PTCD1: variants seen among roughly 807,000 people sequenced by gnomAD.
The protein encoded by PTCD1 is pentatricopeptide repeat domain 1, also known as pentatricopeptide repeat-containing protein 1, mitochondrial.
In PTCD1, 50 loss-of-function variants were observed where a neutral mutation model predicts 53.4. The observed-to-expected ratio is 0.94, with a 90% CI of 0.75 to 1.19. The LOEUF is 1.19. Among genes scored for constraint, PTCD1 ranks in the 50% most tolerant of loss-of-function variants. PTCD1 has a pLI of 0.00. For missense variants in PTCD1, 918 were observed against 904.8 expected, an observed-to-expected ratio of 1.01 and a Z score of -0.19; for synonymous variants, 413 against 394.8, an observed-to-expected ratio of 1.05 and a Z score of -0.55.
chr7:99,423,832 G>A lies in PTCD1; in HGVS notation c.1863C>T (p.Asn621=), dbSNP rs148121169. The change falls in exon 7 of 8, where the codon AAC becomes AAT. Residue 621 remains asparagine (N), a synonymous_variant. Transcript: ENST00000292478. The part of the protein sequence containing the change: ...KDMKQNRVPV[N]EVVIRQLEFA... ...ACTCCAGCTGGCGGATGACCACTTC[G>A]TTCACCGGGACCCTGTTCTGCTTCA... 2.5e-5 allele frequency: 40 copies of A among 1,614,202 alleles called. No individual in the cohort carries two copies. The African/African-American group carries it at 2.7e-4, about 11-fold the overall frequency.
rs1348317456 is a variant in PTCD1 at position 99,418,085 on chromosome 7, A to T, written c.*1882T>A. 4 of 743,866 alleles carry T rather than the reference A, an allele frequency of 5.4e-6. No individual in the cohort carries two copies. The East Asian group carries it at 4.0e-4, about 75-fold the overall frequency. 46.1% of individuals were successfully genotyped at this position (743,866 alleles called of 1,614,324 possible). A position where few individuals can be genotyped will look rare whatever the true frequency, so the allele number is the denominator to read the frequency against. ...CGGGTTCAAGCGGTTCTCCTGCCTCATCCTCCTGAGTAGCTGGGACTACAG... is the reference window on the plus strand; with the variant it reads ...CGGGTTCAAGCGGTTCTCCTGCCTCTTCCTCCTGAGTAGCTGGGACTACAG... On this transcript the variant is annotated 3_prime_UTR_variant, in exon 8 of 8. Coordinates refer to ENST00000292478, the MANE Select transcript of PTCD1 (RefSeq NM_015545.4).
chr7:99,429,933 C>T (rs1239191923), intron 3 of PTCD1, 127 bp from the exon 4 acceptor site: 1 of 1,199,734 alleles, frequency 8.3e-7, no homozygotes, highest in African/African-American at 1.5e-5. Context: ...GGCTCTAAGG[C>T]AGAGCCATGG....
rs554313112 is a variant in PTCD1, at chr7:99,429,777, G to A, written c.624C>T (p.Asp208=). The A allele has an allele frequency of 2.4e-5, 39 of 1,614,078 alleles. 1 individual carries two copies. The highest frequency in any genetic ancestry group is 1.8e-4 in the South Asian group (16 of 91,088). The change falls in exon 4 of 8, where the codon GAC becomes GAT. Residue 208 remains aspartate, a synonymous_variant. Transcript: ENST00000292478. ...CGTTGAACAGGGCCGTGTAGGTGGC[G>A]TCCGAGGGCTCCAGGTCCCGCTTTT... is the stretch of plus-strand genomic sequence containing the variant. ...QMKKRDLEPS[D]ATYTALFNVC...
intron 5 of PTCD1, 68 bp from the exon 6 acceptor site, chr7:99,425,684 G>A (rs1399564731): frequency 1.3e-6 from 2 of 1,542,788 alleles, no homozygotes; most frequent in African/African-American, 1.4e-5. Flanking sequence ...GCTCACGCCT[G>A]GAATCCCAGC....
chr7:99,420,292 T>A lies in PTCD1; in HGVS notation c.1921-143A>T, dbSNP rs1351158192. On this transcript the variant is annotated intron_variant, in intron 7 of 7. Coordinates refer to ENST00000292478, the MANE Select transcript of PTCD1 (RefSeq NM_015545.4). ...TGCAGAGGACAGGGCAGAAAAGCTG[T>A]GAACACGCACTATGGGACTAGCTTA... 3.3e-6 allele frequency: 4 copies of A among 1,201,726 alleles called. No individual in the cohort carries two copies. The Admixed American group carries it at 7.7e-5, about 23-fold the overall frequency. 74.4% of individuals were successfully genotyped at this position (1,201,726 alleles called of 1,614,324 possible).
intron 7 of PTCD1, among the ~76,000 whole-genome samples, chr7:99,420,751 GT>G (rs1424714173): frequency 6.6e-6 from 1 of 152,168 alleles, no homozygotes; most frequent in Non-Finnish European, 1.5e-5. Context: ...GAGGTCAGGA[GT>G]TCGAGACCAG....
At chr7:99,438,660 G>C (rs45485593) in intron 1 of PTCD1, 32 bp downstream of exon 1, 7 of 1,240,536 alleles carry the variant, frequency 5.6e-6, no homozygotes, top group East Asian at 8.1e-5. Context: ...CCCGGGTCCC[G>C]GGGCTCCTGC....
At chr7:99,426,837 G>A (rs1465211689) in intron 5 of PTCD1, among the ~76,000 whole-genome samples, 1 of 149,864 alleles carries the variant, frequency 6.7e-6, no homozygotes, top group East Asian at 2.0e-4. Context: ...CGCCCCGTCT[G>A]GGATGTGAGG....
At position 99,425,104 on chromosome 7, in the gene PTCD1, G is replaced by C. The variant is rs751679542; in HGVS notation, c.1428C>G (p.Ser476Arg). 1 of 1,614,014 alleles carries C rather than the reference G, an allele frequency of 6.2e-7. No individual in the cohort carries two copies. Among genetic ancestry groups the C allele is most frequent in the Non-Finnish European group, 8.5e-7 (1 of 1,180,014 alleles). Residue 476 changes from serine to arginine, a missense_variant, in exon 6 of 8, where the codon AGC becomes AGG. By Grantham distance (110) the Ser-to-Arg change is moderately radical. Coordinates refer to ENST00000292478, the MANE Select transcript of PTCD1 (RefSeq NM_015545.4). The part of the protein sequence containing the change: ...ALIGGLEGFL[S>R]KMAEHRQQPD... ...GCTGCTGCCTGTGCTCTGCCATCTTGCTCAGGAAGCCCTCCAGGCCCCCTA... is the reference window on the plus strand; with the variant it reads ...GCTGCTGCCTGTGCTCTGCCATCTTCCTCAGGAAGCCCTCCAGGCCCCCTA...
intron 6 of PTCD1, among the ~76,000 whole-genome samples, chr7:99,424,188 C>T (rs561598281): frequency 3.5e-4 from 54 of 152,308 alleles, no homozygotes; most frequent in South Asian, 2.7e-3. Flanking sequence ...TCTCAGACAC[C>T]GACTGACTCA....
chr7:99,438,684 G>GAA lies in PTCD1; in HGVS notation c.-27+6_-27+7dup, dbSNP rs926422721. The GAA allele has an allele frequency of 5.5e-6, 7 of 1,269,646 alleles. No homozygotes were observed. The highest frequency in any genetic ancestry group is 7.1e-6 in the Non-Finnish European group (7 of 983,298). The allele number at this position is 1,269,646 out of a possible 1,614,324, so 78.6% of individuals were successfully genotyped here. ...CGGGGCTCCTGCGAGGATCACACAG[G>GAA]AACTCACTTGAAGTGTCCGGCGCAG... On this transcript the variant is annotated splice_region_variant and intron_variant, in intron 1 of 7. Coordinates refer to ENST00000292478, the MANE Select transcript of PTCD1 (RefSeq NM_015545.4).
chr7:99,429,617 CT>C lies in PTCD1; in HGVS notation c.783del (p.Asp262ThrfsTer48). On this transcript the variant is annotated frameshift_variant, in exon 4 of 8. Coordinates refer to ENST00000292478, the MANE Select transcript of PTCD1 (RefSeq NM_015545.4). LOFTEE classifies it high-confidence loss of function. The part of the protein sequence containing the change: ...HALLKMAAKC[A>X]DLRMCLDVFK... The stretch of plus-strand genomic sequence containing the variant: ...AACACATCGAGGCACATCCTAAGGT[CT>C]GCGCACTTGGCAGCCATCTTCAGCA... The C allele has an allele frequency of 6.2e-7, 1 of 1,614,238 alleles. No homozygotes were observed.
At chr7:99,424,754 T>TG (rs756153088) in intron 6 of PTCD1, 41 bp downstream of exon 6, 4 of 1,611,284 alleles carry the variant, frequency 2.5e-6, no homozygotes, top group Non-Finnish European at 1.7e-6. Context: ...AGAGTGCTCC[T>TG]GAGCACCATG....
intron 1 of PTCD1, chr7:99,438,460 A>T: frequency 2.9e-6 from 3 of 1,034,760 alleles, no homozygotes; most frequent in Non-Finnish European, 3.6e-6. Context: ...GCGAGAAAAA[A>T]CCCTGAATTA....
Position 99,419,276 on chromosome 7 carries a change from G to A in PTCD1, c.*691C>T. 7.7e-7 allele frequency: 1 copy of A among 1,295,698 alleles called. No homozygotes were observed. The highest frequency in any genetic ancestry group is 1.2e-5 in the South Asian group (1 of 81,884). 80.3% of individuals were successfully genotyped at this position (1,295,698 alleles called of 1,614,324 possible). A position where few individuals can be genotyped will look rare whatever the true frequency, so the allele number is the denominator to read the frequency against. ...GAGCTGTCAAGGAAGGGTTTCTGAG[G>A]TGTGTCCCTATATGGCATGGTGGCA... On this transcript the variant is annotated 3_prime_UTR_variant, in exon 8 of 8. Coordinates refer to ENST00000292478, the MANE Select transcript of PTCD1 (RefSeq NM_015545.4).
intron 2 of PTCD1, among the ~76,000 whole-genome samples, 181 bp downstream of exon 2, chr7:99,434,609 A>T (rs1373001408): frequency 6.6e-6 from 1 of 150,826 alleles, no homozygotes; most frequent in African/African-American, 2.4e-5. Context: ...AAAAAAAAAT[A>T]CAATAAAATA....
intron 4 of PTCD1, 137 bp downstream of exon 4, chr7:99,429,451 T>G: frequency 7.4e-7 from 1 of 1,347,454 alleles, no homozygotes; most frequent in Non-Finnish European, 1.0e-6. Flanking sequence ...GATCCATCTG[T>G]GAACCCCAGG....
At chr7:99,435,414 A>AT in intron 1 of PTCD1, 146 bp from the exon 2 acceptor site, 1 of 1,062,048 alleles carries the variant, frequency 9.4e-7, no homozygotes, top group Non-Finnish European at 1.3e-6. Flanking sequence ...CGAGGCTGGC[A>AT]TATCACTTGA....
In PTCD1 at chr7:99,417,980, C is replaced by G. The variant is rs1182409466; in HGVS notation, c.*1987G>C. On this transcript the variant is annotated 3_prime_UTR_variant, in exon 8 of 8. Transcript: ENST00000292478. ...ACATTACCATCACTATCTTTCCCGCCCCCCCAAGACGGAGTCTTGCTTTGT... is the reference window on the plus strand; with the variant it reads ...ACATTACCATCACTATCTTTCCCGCGCCCCCAAGACGGAGTCTTGCTTTGT... 1 of 1,176,198 alleles carries G rather than the reference C, an allele frequency of 8.5e-7. No homozygotes were observed. The highest frequency in any genetic ancestry group is 4.2e-5 in the Admixed American group (1 of 23,928). The allele number at this position is 1,176,198 out of a possible 1,614,324, so 72.9% of individuals were successfully genotyped here. A position where few individuals can be genotyped will look rare whatever the true frequency, so the allele number is the denominator to read the frequency against.
Sources: gnomAD v4.1 joint callset for allele counts (sites outside exome capture counted in the v4.1 genomes callset) on GRCh38, gnomAD v4.1.1 for gene constraint, MANE v1.5 for transcripts, NCBI Gene and HGNC (gene_info 2026-07-23, HGNC 2026-07-21) for gene names.